ANKIB1: variants seen among roughly 807,000 people sequenced by gnomAD.
ANKIB1 encodes the protein ankyrin repeat and IBR domain containing 1.
ANKIB1 carries 43 observed loss-of-function variants against 122.1 expected under a neutral mutation model. The observed-to-expected ratio is 0.35, with a 90% CI of 0.28 to 0.45. The LOEUF (loss-of-function observed/expected upper bound fraction) is 0.45. ANKIB1 is among the 20% of genes least tolerant of loss of function. The pLI is 1.00. For synonymous variants in ANKIB1, 390 were observed against 442.0 expected (o/e 0.88, Z 1.48); for missense variants, 992 against 1,329.5 (o/e 0.75, Z 3.95).
chr7:92,272,765 C>A (rs1184141870), intron 1 of ANKIB1, among the ~76,000 whole-genome samples: 1 of 152,072 alleles, frequency 6.6e-6, no homozygotes, highest in Non-Finnish European at 1.5e-5. Flanking sequence ...AATGGGGATA[C>A]ATTTTGAGAA....
intron 4 of ANKIB1, among the ~76,000 whole-genome samples, chr7:92,322,122 A>T (rs1430823472): frequency 6.6e-6 from 1 of 152,202 alleles, no homozygotes. Flanking sequence ...GTCAAACAGA[A>T]ATTTTTACTG....
intron 9 of ANKIB1, among the ~76,000 whole-genome samples, chr7:92,360,643 G>A (rs1434021607): frequency 1.3e-5 from 2 of 152,158 alleles, no homozygotes; most frequent in East Asian, 1.9e-4. Context: ...TTAACTTTAT[G>A]AGGAGTCACC....
chr7:92,308,131 A>G (rs568640660), intron 3 of ANKIB1, among the ~76,000 whole-genome samples: 2 of 151,996 alleles, frequency 1.3e-5, no homozygotes, highest in Admixed American at 6.6e-5. Context: ...CAGCCTCCCA[A>G]AGTGCTGGGA....
intron 1 of ANKIB1, among the ~76,000 whole-genome samples, chr7:92,284,331 T>C (rs1488057443): frequency 6.6e-6 from 1 of 152,198 alleles, no homozygotes; most frequent in East Asian, 1.9e-4. Flanking sequence ...TAAAATTTCC[T>C]AGTAGACTCT....
intron 3 of ANKIB1, among the ~76,000 whole-genome samples, chr7:92,314,733 A>G (rs1290470458): frequency 6.6e-6 from 1 of 152,250 alleles, no homozygotes; most frequent in Non-Finnish European, 1.5e-5. Flanking sequence ...CCTTTGTGCT[A>G]GAACAGTAGT....
At chr7:92,281,271 A>C (rs1037415529) in intron 1 of ANKIB1, among the ~76,000 whole-genome samples, 1 of 152,206 alleles carries the variant, frequency 6.6e-6, no homozygotes, top group Admixed American at 6.5e-5. Context: ...CCTTCTAACT[A>C]GCATGTACCA....
chr7:92,354,734 TTGTC>T (rs1163782750), intron 9 of ANKIB1, among the ~76,000 whole-genome samples: 6 of 152,126 alleles, frequency 3.9e-5, no homozygotes, highest in African/African-American at 7.2e-5. Context: ...TATAAAAGCT[TTGTC>T]TGTAATTTTA....
At chr7:92,345,098 T>G in intron 7 of ANKIB1, 32 bp downstream of exon 7, 1 of 1,414,682 alleles carries the variant, frequency 7.1e-7, no homozygotes, top group South Asian at 1.2e-5. Flanking sequence ...CATCTCTTAC[T>G]GCATGATAGC....
Position 92,398,303 on chromosome 7 carries a change from C to G in ANKIB1, c.2624C>G (p.Thr875Ser), listed in dbSNP as rs1804943312. The change falls in exon 20 of 20, where the codon ACT becomes AGT. Residue 875 changes from threonine (T) to serine (S), a missense_variant. Physicochemically the swap from Thr to Ser is moderately conservative, Grantham distance 58. This residue lies in a region of ANKIB1 where 384 missense variants were observed against 412.0 expected (regional missense o/e 0.93). Transcript: ENST00000265742. ...TCTGGGCTGGCCCTCGATGAAGAAA[C>G]TAGAGACTTCCTCAGTAATGAAGCA... ...QESGLALDEE[T>S]RDFLSNEASL... 6.2e-7 allele frequency: 1 copy of G among 1,613,590 alleles called. No individual in the cohort carries two copies. Among genetic ancestry groups the G allele is most frequent in the African/African-American group, 1.3e-5 (1 of 74,912 alleles).
intron 8 of ANKIB1, 91 bp from the exon 9 acceptor site, chr7:92,352,385 C>A: frequency 7.5e-7 from 1 of 1,325,870 alleles, no homozygotes; most frequent in Non-Finnish European, 1.0e-6. Flanking sequence ...TCTTTCTTTG[C>A]TTTATAGTAA....
chr7:92,247,411 CG>C (rs1368555985), intron 1 of ANKIB1, among the ~76,000 whole-genome samples: 3 of 152,078 alleles, frequency 2.0e-5, no homozygotes, highest in African/African-American at 7.2e-5. Context: ...TTGAGACAGA[CG>C]TTTAAAGATC....
At chr7:92,333,652 A>G (rs554009053) in intron 5 of ANKIB1, among the ~76,000 whole-genome samples, 1 of 152,308 alleles carries the variant, frequency 6.6e-6, no homozygotes, top group East Asian at 1.9e-4. Flanking sequence ...GGAGACAGGA[A>G]AGGAATTATG....
intron 2 of ANKIB1, among the ~76,000 whole-genome samples, chr7:92,295,991 G>A (rs1412789965): frequency 2.6e-5 from 4 of 152,140 alleles, no homozygotes; most frequent in Admixed American, 6.5e-5. Context: ...TTCTTATGCA[G>A]TGAAATATAA....
chr7:92,267,784 G>T (rs1801705447), intron 1 of ANKIB1, among the ~76,000 whole-genome samples: 1 of 152,124 alleles, frequency 6.6e-6, no homozygotes, highest in Non-Finnish European at 1.5e-5. Flanking sequence ...ATTTTTTAAT[G>T]ATAGAAAATA....
intron 11 of ANKIB1, among the ~76,000 whole-genome samples, chr7:92,379,965 A>G (rs7807542): frequency 0.53 from 80,167 of 151,962 alleles, 22,305 homozygotes; most frequent in African/African-American, 0.71. Context: ...GGAAGCATAA[A>G]GGGTTGGGGG....
intron 1 of ANKIB1, among the ~76,000 whole-genome samples, chr7:92,284,232 T>C (rs901125338): frequency 6.6e-6 from 1 of 152,228 alleles, no homozygotes; most frequent in Non-Finnish European, 1.5e-5. Flanking sequence ...ACAATCTGTT[T>C]TAGTAATAGG....
At chr7:92,344,470 GC>G (rs1312790306) in intron 6 of ANKIB1, among the ~76,000 whole-genome samples, 1 of 152,072 alleles carries the variant, frequency 6.6e-6, no homozygotes, top group Non-Finnish European at 1.5e-5. Context: ...CTCGCAAAGT[GC>G]TGGGATTACA....
At chr7:92,349,996 A>G (rs747921631) in intron 7 of ANKIB1, among the ~76,000 whole-genome samples, 2 of 149,918 alleles carry the variant, frequency 1.3e-5, no homozygotes, top group Non-Finnish European at 3.0e-5. Context: ...GCAAAGAGAG[A>G]CCCCATCTTA....
At chr7:92,368,442 T>G (rs1195330352) in intron 10 of ANKIB1, among the ~76,000 whole-genome samples, 1 of 151,894 alleles carries the variant, frequency 6.6e-6, no homozygotes, top group African/African-American at 2.4e-5. Flanking sequence ...ATAAGCTGGA[T>G]GCAGTGACTC....
Sources: allele counts gnomAD v4.1 joint callset (sites outside exome capture counted in the v4.1 genomes callset), GRCh38; gene constraint gnomAD v4.1.1; regional missense constraint gnomAD v4.1.1; transcripts MANE v1.5; gene names NCBI Gene and HGNC (gene_info 2026-07-23, HGNC 2026-07-21).